Variants in MYLK4 observed in about 807,000 individuals in gnomAD.
The protein encoded by MYLK4 is caMLCK like.
Under a neutral mutation model 48.1 loss-of-function variants are expected in MYLK4, and 46 were observed. That is an observed-to-expected ratio of 0.96 (90% CI 0.75 to 1.22). The LOEUF (loss-of-function observed/expected upper bound fraction) is 1.22, where lower values mean the gene tolerates loss of function less well. Ranked by LOEUF, MYLK4 falls within the 50% of genes most tolerant of loss-of-function variation. The pLI is 0.00. For synonymous variants in MYLK4, 170 were observed against 180.8 expected (o/e 0.94, Z 0.48); for missense variants, 451 against 486.1 (o/e 0.93, Z 0.68).
intron 2 of MYLK4, among the ~76,000 whole-genome samples, chr6:2,737,979 G>GC (rs1554132828): frequency 9.6e-5 from 7 of 72,854 alleles, no homozygotes; most frequent in South Asian, 7.3e-4. Context: ...GCCGGGGGCG[G>GC]GTGGGGGGGG....
At chr6:2,747,807 C>G (rs531701342) in intron 2 of MYLK4, among the ~76,000 whole-genome samples, 1 of 152,276 alleles carries the variant, frequency 6.6e-6, no homozygotes, top group African/African-American at 2.4e-5. Context: ...CTTCTCTGTC[C>G]TACCGAAATT....
the MYLK4 span, chr6:2,766,122 A>C: frequency 3.3e-5 from 43 of 1,322,894 alleles, no homozygotes; most frequent in African/African-American, 2.8e-4. Flanking sequence ...GAGGAGGAGG[A>C]GGCCGTGGGC....
At chr6:2,701,094 T>C (rs1010161426) in intron 2 of MYLK4, among the ~76,000 whole-genome samples, 6 of 152,104 alleles carry the variant, frequency 3.9e-5, no homozygotes, top group African/African-American at 1.4e-4. Context: ...TTAAAATGAG[T>C]CTTACTTTGT....
At chr6:2,717,503 A>G (rs1435024693) in intron 2 of MYLK4, among the ~76,000 whole-genome samples, 1 of 152,154 alleles carries the variant, frequency 6.6e-6, no homozygotes, top group African/African-American at 2.4e-5. Flanking sequence ...GCACCCCCTA[A>G]GTGGGGCTGG....
At chr6:2,714,972 G>C (rs1283309042) in intron 2 of MYLK4, among the ~76,000 whole-genome samples, 1 of 152,134 alleles carries the variant, frequency 6.6e-6, no homozygotes, top group Non-Finnish European at 1.5e-5. Context: ...GTCTTTAATG[G>C]GTACAGAGTT....
intron 1 of MYLK4, 62 bp downstream of exon 1, chr6:2,750,674 A>C (rs1425305519): frequency 6.6e-6 from 1 of 152,242 alleles, no homozygotes; most frequent in Admixed American, 6.5e-5. Flanking sequence ...TTGTTATTGA[A>C]GGTAACTTAG....
the MYLK4 span, chr6:2,765,479 G>C: frequency 2.4e-5 from 26 of 1,070,084 alleles, no homozygotes; most frequent in Admixed American, 1.8e-4. Flanking sequence ...GGCATGAGCG[G>C]CGCCCTCCTC....
At chr6:2,699,294 T>TTTTTTG (rs1762195208) in intron 2 of MYLK4, among the ~76,000 whole-genome samples, 1 of 120,354 alleles carries the variant, frequency 8.3e-6, no homozygotes, top group Non-Finnish European at 1.7e-5. Flanking sequence ...TTTCTTTTTT[T>TTTTTTG]TTTTTTTTTT....
At chr6:2,687,005 G>T (rs1761583646) in intron 4 of MYLK4, among the ~76,000 whole-genome samples, 1 of 152,142 alleles carries the variant, frequency 6.6e-6, no homozygotes, top group Non-Finnish European at 1.5e-5. Context: ...GGCCCTGAAG[G>T]TTGAGGCCAA....
At chr6:2,742,792 A>G (rs1763944100) in intron 2 of MYLK4, among the ~76,000 whole-genome samples, 1 of 151,208 alleles carries the variant, frequency 6.6e-6, no homozygotes, top group Non-Finnish European at 1.5e-5. Context: ...TGGGTGCAGC[A>G]CACCAGCATG....
At chr6:2,746,658 G>A (rs1402178013) in intron 2 of MYLK4, among the ~76,000 whole-genome samples, 2 of 152,216 alleles carry the variant, frequency 1.3e-5, no homozygotes, top group Non-Finnish European at 2.9e-5. Context: ...CACAGGGGAT[G>A]TTTCTACTAT....
rs555486203 is a variant in MYLK4, at chr6:2,714,256, G to A, written c.160-21397C>T. ...AGCATAACACATCTCACCAGCCCATGACTCCATGACAGTTCACAAATGCAA... is the reference window on the plus strand; with the variant it reads ...AGCATAACACATCTCACCAGCCCATAACTCCATGACAGTTCACAAATGCAA... On this transcript the variant is annotated intron_variant, in intron 2 of 12. Coordinates refer to ENST00000274643, the MANE Select transcript of MYLK4 (RefSeq NM_001012418.5). Among the ~76,000 whole-genome samples the A allele has an allele frequency of 3.9e-5, 6 of 152,282 alleles. No individual in the cohort carries two copies. In the East Asian group the frequency reaches 1.2e-3, roughly 29 times the overall value.
intron 2 of MYLK4, among the ~76,000 whole-genome samples, chr6:2,711,065 T>C (rs1762654583): frequency 6.6e-6 from 1 of 152,208 alleles, no homozygotes; most frequent in African/African-American, 2.4e-5. Flanking sequence ...GGCTTACGCA[T>C]AACCACACAC....
At chr6:2,757,910 G>A in the MYLK4 span, among the ~76,000 whole-genome samples, 1 of 152,178 alleles carries the variant, frequency 6.6e-6, no homozygotes, top group African/African-American at 2.4e-5. Flanking sequence ...ATGGGCATTG[G>A]AGACACACAG....
chr6:2,770,313 C>G, the MYLK4 span: 1 of 1,614,176 alleles, frequency 6.2e-7, no homozygotes, highest in South Asian at 1.1e-5. Context: ...GTCCTAGACT[C>G]TAGCCGTCCC....
chr6:2,740,755 C>T (rs1763873091), intron 2 of MYLK4, among the ~76,000 whole-genome samples: 1 of 152,218 alleles, frequency 6.6e-6, no homozygotes, highest in African/African-American at 2.4e-5. Context: ...TTACCTGTTC[C>T]TCATTTTCTA....
chr6:2,740,576 C>T (rs1460139367), intron 2 of MYLK4, among the ~76,000 whole-genome samples: 1 of 152,146 alleles, frequency 6.6e-6, no homozygotes, highest in Non-Finnish European at 1.5e-5. Context: ...CTTGTTGGGG[C>T]TTCTTTCCTT....
chr6:2,697,799 T>C (rs1762121258), intron 2 of MYLK4, among the ~76,000 whole-genome samples: 1 of 152,258 alleles, frequency 6.6e-6, no homozygotes, highest in African/African-American at 2.4e-5. Context: ...TGTGTCTGTC[T>C]GCCCGCTGGC....
At chr6:2,728,185 G>A (rs2875824) in intron 2 of MYLK4, among the ~76,000 whole-genome samples, 82,189 of 151,860 alleles carry the variant, frequency 0.54, 22,666 homozygotes, top group Non-Finnish European at 0.58. Context: ...GAAAAACAAA[G>A]GTCCCAACAA....
Sources: allele counts gnomAD v4.1 joint callset (sites outside exome capture counted in the v4.1 genomes callset), GRCh38; gene constraint gnomAD v4.1.1; transcripts MANE v1.5; gene names NCBI Gene and HGNC (gene_info 2026-07-23, HGNC 2026-07-21).